RAD51B: variants seen among roughly 807,000 people sequenced by gnomAD.
The protein encoded by RAD51B is RAD51 paralog B, also known as DNA repair protein RAD51 homolog 2.
RAD51B carries 38 observed loss-of-function variants against 42.2 expected under a neutral mutation model. That is an observed-to-expected ratio of 0.90 (90% CI 0.70 to 1.18). The LOEUF is 1.18. Among genes scored for constraint, RAD51B ranks in the 50% most tolerant of loss-of-function variants. The pLI, the probability that RAD51B is intolerant of heterozygous loss-of-function variation, is 0.00. For synonymous variants in RAD51B, 154 were observed against 145.2 expected (o/e 1.06, Z -0.43); for missense variants, 373 against 400.7 (o/e 0.93, Z 0.59).
At chr14:68,597,035 C>T (rs1397352475), downstream of RAD51B, among the ~76,000 whole-genome samples, 1 of 152,216 alleles carries the variant, frequency 6.6e-6, no homozygotes, top group Non-Finnish European at 1.5e-5. Flanking sequence ...GAAAATTCCT[C>T]TTGTGCCTGT....
chr14:68,184,932 G>A (rs1390728819), intron 7 of RAD51B, among the ~76,000 whole-genome samples: 4 of 152,134 alleles, frequency 2.6e-5, no homozygotes, highest in African/African-American at 9.7e-5. Context: ...TTACACATGT[G>A]AAAATTTTCT....
At chr14:68,618,406 C>A (rs8010235) in intron 10 of RAD51B, among the ~76,000 whole-genome samples, 2 of 152,182 alleles carry the variant, frequency 1.3e-5, no homozygotes, top group Middle Eastern at 3.4e-3. Context: ...GCACTGTCAC[C>A]ATCCTATTGG....
exon 11 of RAD51B, chr14:68,594,926 C>G: frequency 1.8e-6 from 2 of 1,090,916 alleles, no homozygotes; most frequent in Non-Finnish European, 2.2e-6. Flanking sequence ...GCTAAAGGAC[C>G]AGGGACGTGG....
chr14:68,668,453 A>G (rs952350194), intron 11 of RAD51B, among the ~76,000 whole-genome samples: 1 of 152,206 alleles, frequency 6.6e-6, no homozygotes, highest in African/African-American at 2.4e-5. Context: ...TGGAGGCCAT[A>G]TGACTAGATC....
intron 8 of RAD51B, among the ~76,000 whole-genome samples, chr14:68,390,531 A>T (rs1430565335): frequency 2.0e-5 from 3 of 152,212 alleles, no homozygotes; most frequent in Non-Finnish European, 4.4e-5. Flanking sequence ...TAAGGTTTGA[A>T]TTTATAGCCT....
intron 10 of RAD51B, among the ~76,000 whole-genome samples, chr14:68,643,511 C>T (rs1234467148): frequency 1.3e-5 from 2 of 152,124 alleles, no homozygotes; most frequent in Non-Finnish European, 2.9e-5. Flanking sequence ...GATAAAGATC[C>T]AGATCCCTCT....
At chr14:68,155,335 G>A (rs1458142043) in intron 7 of RAD51B, among the ~76,000 whole-genome samples, 1 of 151,908 alleles carries the variant, frequency 6.6e-6, no homozygotes, top group Admixed American at 6.6e-5. Context: ...GGGACTACAG[G>A]TGCCCGCCAC....
intron 7 of RAD51B, among the ~76,000 whole-genome samples, chr14:68,032,669 G>A (rs1396871699): frequency 6.6e-6 from 1 of 152,100 alleles, no homozygotes; most frequent in Non-Finnish European, 1.5e-5. Context: ...TGTGACAATA[G>A]CCTTCTACTA....
At chr14:68,411,839 A>G (rs936586724) in intron 9 of RAD51B, among the ~76,000 whole-genome samples, 8 of 152,206 alleles carry the variant, frequency 5.3e-5, no homozygotes, top group African/African-American at 1.9e-4. Flanking sequence ...TTTCACTTAG[A>G]TTGTATTTGT....
At chr14:67,917,567 A>C (rs924825866) in intron 7 of RAD51B, among the ~76,000 whole-genome samples, 1 of 152,214 alleles carries the variant, frequency 6.6e-6, no homozygotes, top group Non-Finnish European at 1.5e-5. Context: ...GGGTGGGAGA[A>C]TATTCAAACC....
At chr14:67,948,445 G>A (rs1223830822) in intron 7 of RAD51B, among the ~76,000 whole-genome samples, 1 of 152,096 alleles carries the variant, frequency 6.6e-6, no homozygotes, top group Non-Finnish European at 1.5e-5. Context: ...AAATATTTTG[G>A]TTTTGGTAGC....
intron 7 of RAD51B, among the ~76,000 whole-genome samples, chr14:68,011,317 A>G (rs954019996): frequency 3.9e-5 from 6 of 152,070 alleles, no homozygotes; most frequent in Non-Finnish European, 7.4e-5. Context: ...CAAAGTGAAT[A>G]AACATTTTTT....
At chr14:68,613,277 G>T (rs376930421), downstream of RAD51B, among the ~76,000 whole-genome samples, 1 of 152,036 alleles carries the variant, frequency 6.6e-6, no homozygotes, top group Admixed American at 6.5e-5. Context: ...AATTAGCCAG[G>T]CATGGTGACT....
intron 8 of RAD51B, among the ~76,000 whole-genome samples, chr14:68,404,412 C>G (rs920341062): frequency 2.0e-5 from 3 of 152,138 alleles, no homozygotes; most frequent in Non-Finnish European, 4.4e-5. Context: ...TAGGCAGATT[C>G]CTCCTACTTT....
intron 7 of RAD51B, among the ~76,000 whole-genome samples, chr14:68,057,565 C>CA (rs1289483002): frequency 6.6e-6 from 1 of 151,946 alleles, no homozygotes; most frequent in Non-Finnish European, 1.5e-5. Flanking sequence ...TAAAAGATAT[C>CA]AAAATGCATT....
chr14:67,910,017 G>C (rs1175129447), intron 7 of RAD51B, among the ~76,000 whole-genome samples: 2 of 152,062 alleles, frequency 1.3e-5, no homozygotes, highest in African/African-American at 4.8e-5. Flanking sequence ...AACTTGACAG[G>C]CCTTTGTTTA....
Position 68,371,744 on chromosome 14 carries a change from GGGGGGCTGA to G in RAD51B, c.854-39677_854-39669del, listed in dbSNP as rs574576361. Among the ~76,000 whole-genome samples the G allele has an allele frequency of 7.1e-3, 1,088 of 152,308 alleles. 12 individuals are homozygous for G. Among genetic ancestry groups the G allele is most frequent in the Middle Eastern group, 0.024 (7 of 294 alleles). ...TGTGCACCTGTAGTCCCAGCTACTT[GGGGGGCTGA>G]GGTGGGAGAATGGCTTGGGCCTGGA... On this transcript the variant is annotated intron_variant, in intron 8 of 10. Coordinates refer to ENST00000471583, the MANE Select transcript of RAD51B (RefSeq NM_133510.4).
intron 7 of RAD51B, among the ~76,000 whole-genome samples, chr14:68,236,900 C>T (rs529032648): frequency 6.6e-6 from 1 of 152,344 alleles, no homozygotes; most frequent in East Asian, 1.9e-4. Flanking sequence ...CATTTGTATG[C>T]AGCCCCTTAA....
In RAD51B at chr14:68,399,410, C is replaced by T. The variant is rs536754387; in HGVS notation, c.854-12014C>T. Among the ~76,000 whole-genome samples the T allele has an allele frequency of 2.8e-4, 43 of 152,184 alleles. 2 individuals are homozygous for T. The highest frequency in any genetic ancestry group is 2.2e-3 in the Admixed American group (34 of 15,298). ...TAGCTGGGACTACAGGCACCCGCCA[C>T]AATGCCCGGCTAATTTTTTAGTAGT... On this transcript the variant is annotated intron_variant, in intron 8 of 10. Transcript: ENST00000471583.
Sources: gnomAD v4.1 joint callset for allele counts (sites outside exome capture counted in the v4.1 genomes callset) on GRCh38, gnomAD v4.1.1 for gene constraint, MANE v1.5 for transcripts, NCBI Gene and HGNC (gene_info 2026-07-23, HGNC 2026-07-21) for gene names.